The following CCSER1 variants were observed in gnomAD, a reference collection of about 807,000 sequenced individuals.
The protein encoded by CCSER1 is serine-rich coiled-coil domain-containing protein 1.
In CCSER1, 41 loss-of-function variants were observed where a neutral mutation model predicts 82.0. The ratio of observed to expected loss-of-function variants is 0.50; its 90% CI spans 0.39 to 0.65. CCSER1 has a LOEUF of 0.65. CCSER1 is among the 30% of genes least tolerant of loss of function. CCSER1 has a pLI of 0.00. For synonymous variants in CCSER1, 414 were observed against 383.9 expected (o/e 1.08, Z -0.92); for missense variants, 1,119 against 1,064.2 (o/e 1.05, Z -0.72).
At chr4:90,703,604 G>A (rs1248773592) in intron 6 of CCSER1, among the ~76,000 whole-genome samples, 2 of 152,148 alleles carry the variant, frequency 1.3e-5, no homozygotes, top group African/African-American at 4.8e-5. Flanking sequence ...TTGTGTGGGA[G>A]TCTAAGTCTC....
chr4:90,762,699 A>G (rs984430991), intron 7 of CCSER1, among the ~76,000 whole-genome samples: 13 of 152,188 alleles, frequency 8.5e-5, no homozygotes, highest in African/African-American at 2.9e-4. Context: ...AAATAACCAT[A>G]CCAATTTTTG....
At chr4:90,416,652 C>T (rs181002473) in intron 4 of CCSER1, among the ~76,000 whole-genome samples, 53 of 152,150 alleles carry the variant, frequency 3.5e-4, no homozygotes, top group South Asian at 3.1e-3. Context: ...GACGTTGTCC[C>T]ATTATTGGTT....
intron 1 of CCSER1, among the ~76,000 whole-genome samples, chr4:90,180,565 G>C (rs1293086304): frequency 1.3e-5 from 2 of 151,890 alleles, no homozygotes; most frequent in Non-Finnish European, 2.9e-5. Flanking sequence ...CTCCAGCCTG[G>C]GTGACAGAGC....
chr4:91,458,500 T>C (rs1256835046), intron 10 of CCSER1, among the ~76,000 whole-genome samples: 1 of 152,158 alleles, frequency 6.6e-6, no homozygotes, highest in Non-Finnish European at 1.5e-5. Flanking sequence ...CATTTGGCTA[T>C]GTGGGTCTTT....
chr4:90,388,031 G>C (rs895328140), intron 3 of CCSER1, among the ~76,000 whole-genome samples: 3 of 152,150 alleles, frequency 2.0e-5, no homozygotes, highest in African/African-American at 7.2e-5. Flanking sequence ...TCTCTTGCTA[G>C]TATATCACCA....
At chr4:91,532,169 A>C (rs966940770) in intron 10 of CCSER1, among the ~76,000 whole-genome samples, 1 of 152,220 alleles carries the variant, frequency 6.6e-6, no homozygotes, top group Non-Finnish European at 1.5e-5. Context: ...TCAGGTGAAG[A>C]TATCACTGGT....
intron 5 of CCSER1, among the ~76,000 whole-genome samples, chr4:90,554,019 C>A (rs1777832688): frequency 6.6e-6 from 1 of 152,110 alleles, no homozygotes; most frequent in African/African-American, 2.4e-5. Flanking sequence ...TCACAATGTT[C>A]AACACAGAAT....
intron 9 of CCSER1, among the ~76,000 whole-genome samples, chr4:90,933,183 G>GTGTGTGTGTGTGT (rs1730446184): frequency 2.8e-5 from 2 of 70,756 alleles, no homozygotes; most frequent in African/African-American, 6.9e-5. Flanking sequence ...GTGTGTGTGT[G>GTGTGTGTGTGTGT]ATTTTATTTT....
chr4:91,042,821 A>C lies in CCSER1; in HGVS notation c.2173-43129A>C, dbSNP rs1330246071. Among the ~76,000 whole-genome samples, 3 of 152,222 alleles carry C rather than the reference A, an allele frequency of 2.0e-5. 1 individual carries two copies. Among genetic ancestry groups the C allele is most frequent in the Admixed American group, 2.0e-4 (3 of 15,274 alleles). Reference sequence around the variant, plus strand: ...TGAAAAGTGGTAGGGGGAAATTAACAAATGATCTTGAAAAATCTATGGCGG... The same window carrying C: ...TGAAAAGTGGTAGGGGGAAATTAACCAATGATCTTGAAAAATCTATGGCGG... On this transcript the variant is annotated intron_variant, in intron 9 of 10. Coordinates refer to ENST00000509176, the MANE Select transcript of CCSER1 (RefSeq NM_001145065.2).
At chr4:91,174,499 G>C (rs1014813045) in intron 10 of CCSER1, among the ~76,000 whole-genome samples, 1 of 151,878 alleles carries the variant, frequency 6.6e-6, no homozygotes, top group Non-Finnish European at 1.5e-5. Flanking sequence ...GGACATGCAG[G>C]TTTGTTACAT....
At chr4:91,395,346 G>A (rs1305481817) in intron 10 of CCSER1, among the ~76,000 whole-genome samples, 2 of 152,096 alleles carry the variant, frequency 1.3e-5, no homozygotes, top group Non-Finnish European at 1.5e-5. Flanking sequence ...TCAAGAGAGT[G>A]CAGCCATTAT....
At position 90,211,490 on chromosome 4, in the gene CCSER1, G is replaced by A. The variant is rs929550323; in HGVS notation, c.-42+83659G>A. Among the ~76,000 whole-genome samples the A allele has an allele frequency of 3.3e-5, 5 of 152,176 alleles. 1 individual carries two copies. Among genetic ancestry groups the A allele is most frequent in the African/African-American group, 1.2e-4 (5 of 41,448 alleles). ...GAAAAGGAGCTACTGTTATGACTGTGGAATCTCCATTGCATTTTATTAGAT... is the reference window on the plus strand; with the variant it reads ...GAAAAGGAGCTACTGTTATGACTGTAGAATCTCCATTGCATTTTATTAGAT... On this transcript the variant is annotated intron_variant, in intron 1 of 10. Transcript: ENST00000509176.
chr4:91,236,498 A>G (rs1739021842), intron 10 of CCSER1, among the ~76,000 whole-genome samples: 1 of 152,026 alleles, frequency 6.6e-6, no homozygotes, highest in Non-Finnish European at 1.5e-5. Flanking sequence ...CAAAACAAAA[A>G]GAAAAAAAAA....
chr4:90,893,248 G>A (rs941270009), intron 8 of CCSER1, among the ~76,000 whole-genome samples: 1 of 147,284 alleles, frequency 6.8e-6, no homozygotes. Flanking sequence ...CAATGACCAA[G>A]CAAGAAACGA....
Position 90,635,221 on chromosome 4 carries a change from AT to A in CCSER1, c.1932+6991del, listed in dbSNP as rs1183939749. Among the ~76,000 whole-genome samples the A allele has an allele frequency of 4.6e-5, 7 of 151,850 alleles. No homozygotes were observed. The South Asian group carries it at 1.0e-3, about 22-fold the overall frequency. ...CAATATTATCAATATTTTTAACCCAATTGACATTTATAGAATACTACAATTA... is the reference window on the plus strand; with the variant it reads ...CAATATTATCAATATTTTTAACCCAATGACATTTATAGAATACTACAATTA... On this transcript the variant is annotated intron_variant, in intron 6 of 10. Transcript: ENST00000509176.
intron 9 of CCSER1, among the ~76,000 whole-genome samples, chr4:90,953,356 TAACA>T (rs1426840586): frequency 1.3e-5 from 2 of 151,774 alleles, no homozygotes; most frequent in Non-Finnish European, 2.9e-5. Flanking sequence ...TTTTTTATTT[TAACA>T]AACATAAATT....
intron 10 of CCSER1, among the ~76,000 whole-genome samples, chr4:91,330,583 G>C (rs1303160986): frequency 2.0e-5 from 3 of 152,122 alleles, no homozygotes; most frequent in African/African-American, 7.2e-5. Flanking sequence ...TCCAAATGCT[G>C]TAAAGGCTAA....
intron 7 of CCSER1, among the ~76,000 whole-genome samples, chr4:90,767,514 T>G (rs1230754409): frequency 3.3e-5 from 5 of 152,216 alleles, no homozygotes; most frequent in Non-Finnish European, 7.3e-5. Flanking sequence ...CCTTGTGAAC[T>G]TAAAAGGCAA....
intron 10 of CCSER1, among the ~76,000 whole-genome samples, chr4:91,242,755 C>T (rs566284573): frequency 4.5e-4 from 68 of 152,214 alleles, no homozygotes; most frequent in Non-Finnish European, 2.9e-5. Flanking sequence ...TTGAAAAGCA[C>T]TTATATCCAA....
Sources: gnomAD v4.1 joint callset for allele counts (sites outside exome capture counted in the v4.1 genomes callset) on GRCh38, gnomAD v4.1.1 for gene constraint, MANE v1.5 for transcripts, NCBI Gene and HGNC (gene_info 2026-07-23, HGNC 2026-07-21) for gene names.